DNAAF4: variants seen among roughly 807,000 people sequenced by gnomAD.
DNAAF4 encodes dynein axonemal assembly factor 4.
Under a neutral mutation model 51.8 loss-of-function variants are expected in DNAAF4, and 43 were observed. That is an observed-to-expected ratio of 0.83 (90% CI 0.65 to 1.07). DNAAF4 has a LOEUF of 1.07. Ranked by LOEUF, DNAAF4 falls within the 50% of genes least tolerant of loss-of-function variation. The probability of loss-of-function intolerance (pLI) is 0.00; values close to 1 mark genes in which losing one functional copy is unlikely to be tolerated. For missense variants in DNAAF4, 581 were observed against 493.0 expected (o/e 1.18, Z -1.69); for synonymous variants, 194 against 165.6 (o/e 1.17, Z -1.32).
At chr15:55,418,172 T>A in intron 7 of DNAAF4, 1 of 1,557,924 alleles carries the variant, frequency 6.4e-7, no homozygotes. Flanking sequence ...TTAAATTTTT[T>A]TTTTTTCAGA....
At chr15:55,462,708 T>C (rs1290985219) in intron 5 of DNAAF4, among the ~76,000 whole-genome samples, 1 of 151,306 alleles carries the variant, frequency 6.6e-6, no homozygotes, top group Non-Finnish European at 1.5e-5. Flanking sequence ...AAATACTAGC[T>C]AACCAAATGC....
chr15:55,467,365 A>T (rs545998861), intron 4 of DNAAF4, among the ~76,000 whole-genome samples: 2 of 152,286 alleles, frequency 1.3e-5, no homozygotes, highest in African/African-American at 4.8e-5. Context: ...GTCATGGAAC[A>T]AAGATTTTAG....
intron 4 of DNAAF4, 81 bp from the exon 5 acceptor site, chr15:55,467,242 A>C: frequency 8.1e-7 from 1 of 1,236,296 alleles, no homozygotes. Context: ...TACAATAATT[A>C]GTTATTCATA....
intron 5 of DNAAF4, among the ~76,000 whole-genome samples, chr15:55,466,314 C>T (rs566052054): frequency 2.0e-5 from 3 of 152,124 alleles, no homozygotes; most frequent in Non-Finnish European, 4.4e-5. Flanking sequence ...GTAGTCCCAG[C>T]TACTTGGGAG....
At chr15:55,478,998 T>C (rs957208774) in intron 4 of DNAAF4, among the ~76,000 whole-genome samples, 3 of 152,042 alleles carry the variant, frequency 2.0e-5, no homozygotes, top group Admixed American at 1.3e-4. Context: ...AGAAAACTTG[T>C]ATGGTTTTCA....
At chr15:55,418,606 C>A (rs2057359024) in intron 7 of DNAAF4, 3 of 1,307,666 alleles carry the variant, frequency 2.3e-6, no homozygotes, top group African/African-American at 1.5e-5. Flanking sequence ...AGAAAATATA[C>A]TCGGGAAAAA....
chr15:55,504,123 CA>C (rs978352293), intron 1 of DNAAF4, among the ~76,000 whole-genome samples: 3 of 152,150 alleles, frequency 2.0e-5, no homozygotes, highest in African/African-American at 7.2e-5. Flanking sequence ...CGTTCCTATA[CA>C]CCATTAACAG....
At chr15:55,481,199 G>T (rs1366929233) in intron 4 of DNAAF4, among the ~76,000 whole-genome samples, 1 of 152,092 alleles carries the variant, frequency 6.6e-6, no homozygotes, top group Non-Finnish European at 1.5e-5. Flanking sequence ...CTAATACAGG[G>T]ACTGGATCTC....
chr15:55,486,738 G>A (rs2058495180), intron 4 of DNAAF4, among the ~76,000 whole-genome samples: 2 of 150,754 alleles, frequency 1.3e-5, no homozygotes, highest in African/African-American at 4.9e-5. Context: ...CTGTAATTGC[G>A]CCATTTTGCA....
rs999697377 is a variant in DNAAF4, at chr15:55,467,140, T to C, written c.427A>G (p.Lys143Glu). The change falls in exon 5 of 10, where the codon AAA (lysine) becomes GAA (glutamate). Residue 143 changes from lysine to glutamate, a missense_variant. Physicochemically the swap from Lys to Glu is moderately conservative, Grantham distance 56. Transcript: ENST00000321149. The part of the protein sequence containing the change: ...MMKIEEEERK[K>E]IEDMKENERI... ...TCATTTTCTTTCATATCTTCTATTT[T>C]TTTCCTCTCTTCTTCTTCAATCTAT... 1.9e-6 allele frequency: 3 copies of C among 1,542,150 alleles called. No individual in the cohort carries two copies. In the African/African-American group the frequency reaches 4.2e-5, roughly 22 times the overall value.
chr15:55,433,878 C>CATATATTATAT (rs2057545750), intron 8 of DNAAF4, among the ~76,000 whole-genome samples: 13 of 15,004 alleles, frequency 8.7e-4, no homozygotes, highest in South Asian at 8.3e-3. Context: ...ATATATATTA[C>CATATATTATAT]ATATATTATA....
chr15:55,486,102 C>A (rs147367744), intron 4 of DNAAF4, among the ~76,000 whole-genome samples: 12 of 151,588 alleles, frequency 7.9e-5, no homozygotes, highest in African/African-American at 2.9e-4. Context: ...TTCCACTAAT[C>A]ACCTCATATC....
At chr15:55,462,391 C>T (rs918973754) in intron 5 of DNAAF4, among the ~76,000 whole-genome samples, 1 of 151,976 alleles carries the variant, frequency 6.6e-6, no homozygotes, top group African/African-American at 2.4e-5. Context: ...GAGGTTTCAC[C>T]ACGTTGGGCA....
chr15:55,436,032 C>T (rs1357913601), intron 7 of DNAAF4, among the ~76,000 whole-genome samples: 1 of 152,194 alleles, frequency 6.6e-6, no homozygotes, highest in Non-Finnish European at 1.5e-5. Context: ...AGGTGATCTG[C>T]CCGCTTCGGC....
intron 5 of DNAAF4, among the ~76,000 whole-genome samples, chr15:55,464,829 C>T (rs1322421159): frequency 6.6e-6 from 1 of 152,086 alleles, no homozygotes; most frequent in Non-Finnish European, 1.5e-5. Flanking sequence ...GTGGTACATG[C>T]CTGTAATCCT....
At chr15:55,495,954 C>A (rs191793469) in intron 3 of DNAAF4, among the ~76,000 whole-genome samples, 27 of 152,090 alleles carry the variant, frequency 1.8e-4, no homozygotes, top group African/African-American at 5.6e-4. Context: ...AGGCCGGTCG[C>A]GGTGGCTCAT....
rs147705356 is a variant in DNAAF4, at chr15:55,496,416, G to C, written c.271+1296C>G. ...GCCAGGGTTGGGAACATCTGCTCTA[G>C]AGTGAAACTGCTAAGGCTCCAGTTC... is the stretch of plus-strand genomic sequence containing the variant. On this transcript the variant is annotated intron_variant, in intron 3 of 9. Coordinates refer to ENST00000321149, the MANE Select transcript of DNAAF4 (RefSeq NM_130810.4). Among the ~76,000 whole-genome samples the C allele has an allele frequency of 8.7e-3, 1,320 of 152,292 alleles. 19 individuals carry two copies. The highest frequency in any genetic ancestry group is 0.03 in the African/African-American group (1,262 of 41,564).
chr15:55,483,890 A>T (rs369301818), intron 4 of DNAAF4, among the ~76,000 whole-genome samples: 57 of 135,560 alleles, frequency 4.2e-4, no homozygotes, highest in African/African-American at 1.5e-3. Flanking sequence ...GCATAGGCCA[A>T]ATAATGGGAG....
intron 4 of DNAAF4, among the ~76,000 whole-genome samples, chr15:55,468,880 T>C (rs1488378078): frequency 6.6e-6 from 1 of 152,050 alleles, no homozygotes; most frequent in African/African-American, 2.4e-5. Flanking sequence ...ACAGAAATAG[T>C]CCAGCTCTTC....
Sources: gnomAD v4.1 joint callset for allele counts (sites outside exome capture counted in the v4.1 genomes callset) on GRCh38, gnomAD v4.1.1 for gene constraint, MANE v1.5 for transcripts, NCBI Gene and HGNC (gene_info 2026-07-23, HGNC 2026-07-21) for gene names.